The following MCTP1 variants were observed in gnomAD, a reference collection of about 807,000 sequenced individuals.
MCTP1 encodes multiple C2 and transmembrane domain-containing protein 1.
MCTP1 carries 69 observed loss-of-function variants against 120.6 expected under a neutral mutation model. The observed-to-expected ratio is 0.57, with a 90% CI of 0.47 to 0.70. MCTP1 has a LOEUF of 0.70. Among genes scored for constraint, MCTP1 ranks in the 30% least tolerant of loss-of-function variants. The probability of loss-of-function intolerance (pLI) is 0.00; values close to 1 mark genes in which losing one functional copy is unlikely to be tolerated. For synonymous variants in MCTP1, 529 were observed against 493.1 expected (o/e 1.07, Z -0.96); for missense variants, 1,203 against 1,248.8 (o/e 0.96, Z 0.55).
At chr5:95,160,564 T>C (rs967092448) in intron 1 of MCTP1, among the ~76,000 whole-genome samples, 15 of 152,056 alleles carry the variant, frequency 9.9e-5, no homozygotes, top group African/African-American at 2.9e-4. Flanking sequence ...TTCTTAGATA[T>C]AACCCCAAAA....
intron 1 of MCTP1, among the ~76,000 whole-genome samples, chr5:95,189,330 A>T (rs1168792218): frequency 1.3e-5 from 2 of 152,204 alleles, no homozygotes; most frequent in African/African-American, 4.8e-5. Flanking sequence ...CCTTTCTAGG[A>T]TGATGGAAAT....
chr5:94,810,832 A>G (rs1265908595), intron 17 of MCTP1, among the ~76,000 whole-genome samples: 1 of 152,182 alleles, frequency 6.6e-6, no homozygotes, highest in Non-Finnish European at 1.5e-5. Context: ...CCTTCATGAT[A>G]TAACCTTGCA....
At chr5:94,821,948 C>T (rs553059558) in intron 17 of MCTP1, among the ~76,000 whole-genome samples, 1 of 152,246 alleles carries the variant, frequency 6.6e-6, no homozygotes, top group East Asian at 1.9e-4. Flanking sequence ...ATACCATTAG[C>T]TTGATTTTAC....
At chr5:95,206,713 T>C (rs1460023971) in intron 1 of MCTP1, among the ~76,000 whole-genome samples, 1 of 152,062 alleles carries the variant, frequency 6.6e-6, no homozygotes, top group African/African-American at 2.4e-5. Context: ...AATTTTTGTA[T>C]TTTTAGTAGA....
At chr5:95,110,735 C>G (rs552159650) in intron 1 of MCTP1, among the ~76,000 whole-genome samples, 237 of 152,236 alleles carry the variant, frequency 1.6e-3, no homozygotes, top group African/African-American at 5.5e-3. Flanking sequence ...TTCCCAGGAT[C>G]CCAGTCACTG....
At chr5:95,108,205 C>T (rs1317647520) in intron 1 of MCTP1, among the ~76,000 whole-genome samples, 1 of 152,172 alleles carries the variant, frequency 6.6e-6, no homozygotes, top group East Asian at 1.9e-4. Context: ...AAAGACCAAG[C>T]CTTACCTTAG....
At chr5:95,191,633 G>T (rs905121081) in intron 1 of MCTP1, among the ~76,000 whole-genome samples, 5 of 152,048 alleles carry the variant, frequency 3.3e-5, no homozygotes, top group Non-Finnish European at 5.9e-5. Context: ...TTCTAGAAAG[G>T]TGAAAATAAG....
chr5:94,955,709 T>C (rs1473789944), intron 2 of MCTP1, among the ~76,000 whole-genome samples: 2 of 152,108 alleles, frequency 1.3e-5, no homozygotes, highest in Non-Finnish European at 2.9e-5. Context: ...CCAGACTGCC[T>C]CTCTACATTC....
At chr5:95,123,884 C>T (rs1445048175) in intron 1 of MCTP1, among the ~76,000 whole-genome samples, 1 of 152,148 alleles carries the variant, frequency 6.6e-6, no homozygotes, top group Non-Finnish European at 1.5e-5. Context: ...CTCCTGACCT[C>T]ATGATCCGCC....
At chr5:94,940,582 A>G (rs968613407) in intron 4 of MCTP1, among the ~76,000 whole-genome samples, 4 of 118,658 alleles carry the variant, frequency 3.4e-5, no homozygotes, top group Non-Finnish European at 5.2e-5. Flanking sequence ...ATATACATAT[A>G]TATGTATATA....
At chr5:94,876,100 T>C (rs1798820369) in intron 12 of MCTP1, among the ~76,000 whole-genome samples, 1 of 152,178 alleles carries the variant, frequency 6.6e-6, no homozygotes, top group South Asian at 2.1e-4. Context: ...ACTATAGTTG[T>C]ATTTTTAAAA....
chr5:95,183,755 GAAATAA>G (rs1748877231), intron 1 of MCTP1, among the ~76,000 whole-genome samples: 1 of 152,098 alleles, frequency 6.6e-6, no homozygotes, highest in Non-Finnish European at 1.5e-5. Context: ...ATTAATGAAG[GAAATAA>G]AAATAAAAAT....
chr5:94,864,654 A>G (rs1484471297), intron 17 of MCTP1, among the ~76,000 whole-genome samples: 2 of 151,942 alleles, frequency 1.3e-5, no homozygotes, highest in Non-Finnish European at 2.9e-5. Flanking sequence ...CTTACTGTAT[A>G]ACGACAGAAA....
chr5:95,162,434 GGAA>G (rs1745848730), intron 1 of MCTP1, among the ~76,000 whole-genome samples: 1 of 152,124 alleles, frequency 6.6e-6, no homozygotes, highest in Non-Finnish European at 1.5e-5. Flanking sequence ...ACTGTTAAAT[GGAA>G]GAAAAGTCAT....
chr5:95,183,509 G>A lies in MCTP1; in HGVS notation c.720+100347C>T, dbSNP rs114335520. On this transcript the variant is annotated intron_variant, in intron 1 of 22. Transcript: ENST00000515393. The stretch of plus-strand genomic sequence containing the variant: ...AAATTAAAACTTTTACTTTTCAAAG[G>A]ATATCAAGAAAATGCAAAGGAAAGC... Among the ~76,000 whole-genome samples the A allele has an allele frequency of 1.7e-3, 256 of 151,860 alleles. 2 individuals carry two copies. The highest frequency in any genetic ancestry group is 5.9e-3 in the African/African-American group (246 of 41,440).
chr5:95,074,373 T>A (rs533345484), intron 1 of MCTP1, among the ~76,000 whole-genome samples: 6 of 152,340 alleles, frequency 3.9e-5, no homozygotes, highest in African/African-American at 1.4e-4. Context: ...GAGGGGCCAC[T>A]AAGAGAGATG....
intron 17 of MCTP1, among the ~76,000 whole-genome samples, chr5:94,821,126 G>A (rs1165204259): frequency 6.6e-6 from 1 of 152,134 alleles, no homozygotes; most frequent in Non-Finnish European, 1.5e-5. Flanking sequence ...TTGCTTTGAC[G>A]GAACTGCATT....
At chr5:94,998,688 G>A (rs1338953617) in intron 2 of MCTP1, among the ~76,000 whole-genome samples, 1 of 152,172 alleles carries the variant, frequency 6.6e-6, no homozygotes, top group Non-Finnish European at 1.5e-5. Context: ...TCAGATTGCA[G>A]AGACTGTGCA....
chr5:95,259,553 C>G (rs558206789), intron 1 of MCTP1, among the ~76,000 whole-genome samples: 3 of 152,276 alleles, frequency 2.0e-5, no homozygotes, highest in African/African-American at 7.2e-5. Context: ...AACACAATCT[C>G]TTTCCTGCTT....
Sources: allele counts gnomAD v4.1 joint callset (sites outside exome capture counted in the v4.1 genomes callset), GRCh38; gene constraint gnomAD v4.1.1; transcripts MANE v1.5; gene names NCBI Gene and HGNC (gene_info 2026-07-23, HGNC 2026-07-21).